The following NKAIN2 variants were observed in gnomAD, a reference collection of about 807,000 sequenced individuals.
NKAIN2 encodes sodium/potassium transporting ATPase interacting 2.
Under a neutral mutation model 32.6 loss-of-function variants are expected in NKAIN2, and 14 were observed. The observed-to-expected ratio is 0.43, with a 90% confidence interval of 0.28 to 0.67. The LOEUF is 0.67. NKAIN2 is among the 30% of genes least tolerant of loss of function. NKAIN2 has a pLI of 0.17. For missense variants in NKAIN2, 198 were observed against 258.3 expected (o/e 0.77, Z 1.60); for synonymous variants, 80 against 87.2 (o/e 0.92, Z 0.46).
chr6:124,109,918 G>C (rs576725031), intron 1 of NKAIN2, among the ~76,000 whole-genome samples: 1 of 152,126 alleles, frequency 6.6e-6, no homozygotes, highest in South Asian at 2.1e-4. Flanking sequence ...ATTTGGGCAT[G>C]TTGAACATCC....
At chr6:124,466,627 A>T (rs901521155) in intron 3 of NKAIN2, among the ~76,000 whole-genome samples, 22 of 151,948 alleles carry the variant, frequency 1.4e-4, no homozygotes, top group African/African-American at 5.1e-4. Context: ...CTCAGTGGAG[A>T]CCCACGGCAA....
chr6:124,165,426 T>C (rs1788482977), intron 1 of NKAIN2, among the ~76,000 whole-genome samples: 1 of 152,124 alleles, frequency 6.6e-6, no homozygotes, highest in Non-Finnish European at 1.5e-5. Context: ...TTTTTTGCTA[T>C]ATTTTCCCAA....
chr6:124,190,346 C>T (rs1789954221), intron 1 of NKAIN2, among the ~76,000 whole-genome samples: 1 of 152,178 alleles, frequency 6.6e-6, no homozygotes, highest in Non-Finnish European at 1.5e-5. Flanking sequence ...TGATTTTAAC[C>T]ATTCAAATGA....
chr6:123,888,122 C>T (rs376472766), intron 1 of NKAIN2, among the ~76,000 whole-genome samples: 4 of 151,918 alleles, frequency 2.6e-5, no homozygotes, highest in African/African-American at 9.7e-5. Flanking sequence ...ATATAAATAT[C>T]TAGAGTAAAA....
chr6:124,690,276 T>C (rs1335859925), intron 4 of NKAIN2, among the ~76,000 whole-genome samples: 1 of 152,168 alleles, frequency 6.6e-6, no homozygotes, highest in Non-Finnish European at 1.5e-5. Flanking sequence ...GGAAAACAAT[T>C]GACTTCTGTT....
intron 1 of NKAIN2, among the ~76,000 whole-genome samples, chr6:124,026,800 C>T (rs1401965983): frequency 6.6e-6 from 1 of 152,152 alleles, no homozygotes; most frequent in African/African-American, 2.4e-5. Flanking sequence ...TGCATGTTAG[C>T]TATCACTCCT....
Position 124,322,732 on chromosome 6 carries a change from G to A in NKAIN2, c.193-32535G>A, listed in dbSNP as rs949360477. Among the ~76,000 whole-genome samples, 5 of 152,130 alleles carry A rather than the reference G, an allele frequency of 3.3e-5. No individual in the cohort carries two copies. In the East Asian group the frequency reaches 9.6e-4, roughly 29 times the overall value. ...AAGTTGCTGTGAACAATTATGTAGAGATTTTTGTGTGAGCATAGTTCCTAT... is the reference window on the plus strand; with the variant it reads ...AAGTTGCTGTGAACAATTATGTAGAAATTTTTGTGTGAGCATAGTTCCTAT... On this transcript the variant is annotated intron_variant, in intron 2 of 6. Transcript: ENST00000368417.
chr6:124,668,014 C>T (rs1037369167), intron 4 of NKAIN2, among the ~76,000 whole-genome samples: 8 of 152,096 alleles, frequency 5.3e-5, no homozygotes, highest in African/African-American at 1.9e-4. Flanking sequence ...CTTTTCCTCT[C>T]CTCATGGCAC....
At chr6:124,645,536 A>C (rs956265398) in intron 3 of NKAIN2, among the ~76,000 whole-genome samples, 2 of 152,194 alleles carry the variant, frequency 1.3e-5, no homozygotes, top group African/African-American at 4.8e-5. Context: ...GGTGCCTAAT[A>C]ATAAGAAGAC....
intron 2 of NKAIN2, among the ~76,000 whole-genome samples, chr6:124,329,065 G>C (rs912956328): frequency 1.3e-5 from 2 of 152,144 alleles, no homozygotes; most frequent in African/African-American, 4.8e-5. Context: ...TGAGAAAACT[G>C]ACACATATTG....
intron 1 of NKAIN2, among the ~76,000 whole-genome samples, chr6:124,017,876 G>A (rs1469390518): frequency 6.6e-6 from 1 of 152,174 alleles, no homozygotes; most frequent in Non-Finnish European, 1.5e-5. Context: ...CCATCCTGGG[G>A]TCTGGAGGAC....
intron 3 of NKAIN2, among the ~76,000 whole-genome samples, chr6:124,407,141 A>G (rs574406989): frequency 1.3e-5 from 2 of 152,198 alleles, no homozygotes; most frequent in South Asian, 4.2e-4. Flanking sequence ...ATTTTCTTTT[A>G]GAAATTTTAT....
intron 3 of NKAIN2, among the ~76,000 whole-genome samples, chr6:124,457,731 A>T (rs1776377394): frequency 6.6e-6 from 1 of 151,916 alleles, no homozygotes; most frequent in Non-Finnish European, 1.5e-5. Context: ...ATGGCCCCAC[A>T]TACTCACGTA....
At chr6:124,775,492 GA>G (rs1474471779) in intron 4 of NKAIN2, among the ~76,000 whole-genome samples, 1 of 152,144 alleles carries the variant, frequency 6.6e-6, no homozygotes, top group Non-Finnish European at 1.5e-5. Context: ...TTCAAGTTCT[GA>G]ATTAATTATA....
intron 1 of NKAIN2, among the ~76,000 whole-genome samples, chr6:124,132,199 G>A (rs1786515543): frequency 6.6e-6 from 1 of 152,114 alleles, no homozygotes; most frequent in Non-Finnish European, 1.5e-5. Flanking sequence ...AATCCCCTTT[G>A]GAACATAAAC....
intron 1 of NKAIN2, among the ~76,000 whole-genome samples, chr6:123,993,653 A>ATATCCAGT (rs953253376): frequency 6.6e-6 from 1 of 152,172 alleles, no homozygotes; most frequent in African/African-American, 2.4e-5. Context: ...AGGGTGATCC[A>ATATCCAGT]TATCCAGTGT....
chr6:124,397,489 G>A (rs904428377), intron 3 of NKAIN2, among the ~76,000 whole-genome samples: 19 of 150,272 alleles, frequency 1.3e-4, no homozygotes, highest in African/African-American at 4.7e-4. Context: ...ATAGATGATT[G>A]TCCCTGCTTT....
chr6:124,649,092 G>A (rs906220867), intron 3 of NKAIN2, among the ~76,000 whole-genome samples: 1 of 151,662 alleles, frequency 6.6e-6, no homozygotes, highest in Non-Finnish European at 1.5e-5. Context: ...AAGAGCAAAG[G>A]AAATCCAAAC....
chr6:124,241,419 G>C (rs1003826065), intron 1 of NKAIN2, among the ~76,000 whole-genome samples: 3 of 152,060 alleles, frequency 2.0e-5, no homozygotes, highest in Non-Finnish European at 4.4e-5. Flanking sequence ...AACCAAAAAA[G>C]AGCCCATATA....
Sources: allele counts gnomAD v4.1 joint callset (sites outside exome capture counted in the v4.1 genomes callset), GRCh38; gene constraint gnomAD v4.1.1; transcripts MANE v1.5; gene names NCBI Gene and HGNC (gene_info 2026-07-23, HGNC 2026-07-21).